CDH8: variants seen among roughly 807,000 people sequenced by gnomAD.
CDH8 encodes cadherin 8.
In CDH8, 17 loss-of-function variants were observed where a neutral mutation model predicts 68.1. That is an observed-to-expected ratio of 0.25 (90% confidence interval 0.17 to 0.37). The LOEUF (loss-of-function observed/expected upper bound fraction) is 0.37. Ranked by LOEUF, CDH8 falls within the 10% of genes least tolerant of loss-of-function variation. The pLI, the probability that CDH8 is intolerant of heterozygous loss-of-function variation, is 1.00. For missense variants in CDH8, 763 were observed against 999.3 expected (o/e 0.76, Z 3.19); for synonymous variants, 372 against 365.1 (o/e 1.02, Z -0.21).
intron 10 of CDH8, among the ~76,000 whole-genome samples, chr16:61,706,873 A>G (rs771941670): frequency 3.7e-4 from 56 of 152,192 alleles, no homozygotes; most frequent in Non-Finnish European, 6.6e-4. Flanking sequence ...TCACTCTTAA[A>G]TATTCCACTT....
chr16:61,978,695 G>A (rs116388928), intron 2 of CDH8, among the ~76,000 whole-genome samples: 46 of 152,260 alleles, frequency 3.0e-4, no homozygotes, highest in African/African-American at 9.1e-4. Flanking sequence ...GGGCAAGCTC[G>A]TGTATGTTGT....
At chr16:61,977,596 T>C (rs1965459045) in intron 2 of CDH8, among the ~76,000 whole-genome samples, 1 of 151,946 alleles carries the variant, frequency 6.6e-6, no homozygotes, top group East Asian at 1.9e-4. Flanking sequence ...AATTGAACAA[T>C]ACACCTCGGG....
At chr16:62,004,403 A>C (rs187687571) in intron 2 of CDH8, among the ~76,000 whole-genome samples, 30 of 152,188 alleles carry the variant, frequency 2.0e-4, no homozygotes, top group Non-Finnish European at 3.7e-4. Flanking sequence ...CATATTTCTC[A>C]GTGAAAAAGA....
At chr16:61,851,343 G>C (rs930836175) in intron 4 of CDH8, among the ~76,000 whole-genome samples, 1 of 151,710 alleles carries the variant, frequency 6.6e-6, no homozygotes, top group Non-Finnish European at 1.5e-5. Context: ...AATGGTCTGA[G>C]TTTCAAAAAA....
chr16:61,739,916 T>TATATATATATATATG (rs1596919358), intron 8 of CDH8, among the ~76,000 whole-genome samples: 3 of 16,868 alleles, frequency 1.8e-4, no homozygotes, highest in South Asian at 2.9e-3. Context: ...TATATATGTA[T>TATATATATATATATG]TTTTTTTTTT....
At chr16:61,969,200 G>T (rs768418581) in intron 2 of CDH8, among the ~76,000 whole-genome samples, 88 of 152,278 alleles carry the variant, frequency 5.8e-4, no homozygotes, top group African/African-American at 2.0e-3. Flanking sequence ...TAGAACTCCC[G>T]GTTCTCAGAG....
intron 8 of CDH8, among the ~76,000 whole-genome samples, chr16:61,766,234 C>T (rs1317308335): frequency 1.3e-5 from 2 of 150,204 alleles, no homozygotes; most frequent in East Asian, 2.0e-4. Context: ...TAAGTGAGAA[C>T]ATGTGGGTAT....
At chr16:62,017,854 G>A (rs1260166530) in intron 2 of CDH8, among the ~76,000 whole-genome samples, 2 of 151,714 alleles carry the variant, frequency 1.3e-5, no homozygotes, top group South Asian at 2.1e-4. Flanking sequence ...CCACACCCCC[G>A]GGCCAGTGAC....
At chr16:61,768,304 G>GTGTCTCTC (rs1164507960) in intron 8 of CDH8, among the ~76,000 whole-genome samples, 2 of 73,686 alleles carry the variant, frequency 2.7e-5, no homozygotes, top group Non-Finnish European at 5.8e-5. Context: ...CTCTCTCTGT[G>GTGTCTCTC]TCTCTCCCTT....
Position 61,702,721 on chromosome 16 carries a change from A to G in CDH8, c.1654+11120T>C, listed in dbSNP as rs530919361. On this transcript the variant is annotated intron_variant, in intron 10 of 11. Coordinates refer to ENST00000577390, the MANE Select transcript of CDH8 (RefSeq NM_001796.5). The stretch of plus-strand genomic sequence containing the variant: ...AAGCACAGCTTGTGAAAATTATAAA[A>G]TAAAATAAGAACAGTCTTACTGAGC... 2.6e-4 allele frequency among the ~76,000 whole-genome samples: 39 copies of G among 152,364 alleles called. No homozygotes were observed. The South Asian group carries it at 7.7e-3, about 30-fold the overall frequency.
At chr16:61,822,169 C>T (rs1042770445) in intron 5 of CDH8, among the ~76,000 whole-genome samples, 1 of 139,302 alleles carries the variant, frequency 7.2e-6, no homozygotes, top group African/African-American at 2.7e-5. Context: ...GATAAAGTTC[C>T]AGTAACCCAC....
chr16:61,861,278 C>T (rs1338574692), intron 3 of CDH8, among the ~76,000 whole-genome samples: 1 of 152,154 alleles, frequency 6.6e-6, no homozygotes. Context: ...CATCCATTCT[C>T]CCTAGAGACA....
chr16:62,001,072 T>C (rs1965885994), intron 2 of CDH8, among the ~76,000 whole-genome samples: 1 of 152,172 alleles, frequency 6.6e-6, no homozygotes, highest in African/African-American at 2.4e-5. Flanking sequence ...AGAAAATATT[T>C]GGGACTCATT....
At chr16:61,681,565 T>G (rs1484011963) in intron 10 of CDH8, among the ~76,000 whole-genome samples, 1 of 151,682 alleles carries the variant, frequency 6.6e-6, no homozygotes, top group Non-Finnish European at 1.5e-5. Context: ...GTTTTTTTTT[T>G]TTGAGGTGAT....
intron 10 of CDH8, among the ~76,000 whole-genome samples, chr16:61,711,828 TA>T (rs1964637026): frequency 6.6e-6 from 1 of 151,644 alleles, no homozygotes; most frequent in South Asian, 2.1e-4. Context: ...GACATAAATA[TA>T]AGCAGCCACC....
At chr16:61,984,617 C>T (rs1353988946) in intron 2 of CDH8, among the ~76,000 whole-genome samples, 1 of 152,042 alleles carries the variant, frequency 6.6e-6, no homozygotes, top group Non-Finnish European at 1.5e-5. Flanking sequence ...TTCAACTATA[C>T]ATAGCAAATG....
intron 2 of CDH8, among the ~76,000 whole-genome samples, chr16:61,987,470 G>T (rs1446250530): frequency 6.6e-6 from 1 of 152,148 alleles, no homozygotes; most frequent in East Asian, 1.9e-4. Flanking sequence ...ACACACCACA[G>T]CACTCCAGCC....
chr16:61,902,655 T>C (rs551085740), intron 2 of CDH8, among the ~76,000 whole-genome samples: 4 of 151,652 alleles, frequency 2.6e-5, no homozygotes, highest in East Asian at 1.9e-4. Context: ...TGGGATCCCT[T>C]TTATTCAGAA....
intron 2 of CDH8, among the ~76,000 whole-genome samples, chr16:61,986,534 G>A (rs143465854): frequency 6.7e-4 from 102 of 152,250 alleles, no homozygotes; most frequent in African/African-American, 2.3e-3. Context: ...GGAAGAATGC[G>A]CACTTTGAGG....
Sources: allele counts gnomAD v4.1 joint callset (sites outside exome capture counted in the v4.1 genomes callset), GRCh38; gene constraint gnomAD v4.1.1; transcripts MANE v1.5; gene names NCBI Gene and HGNC (gene_info 2026-07-23, HGNC 2026-07-21).